The following EXOC6 variants were observed in gnomAD, a reference collection of about 807,000 sequenced individuals.
The protein encoded by EXOC6 is SEC15-like 1.
EXOC6 carries 60 observed loss-of-function variants against 112.5 expected under a neutral mutation model. The observed-to-expected ratio is 0.53, with a 90% CI of 0.43 to 0.66. EXOC6 has a LOEUF of 0.66. Ranked by LOEUF, EXOC6 falls within the 30% of genes least tolerant of loss-of-function variation. The pLI, the probability that EXOC6 is intolerant of heterozygous loss-of-function variation, is 0.00. For synonymous variants in EXOC6, 295 were observed against 308.0 expected, an observed-to-expected ratio of 0.96 and a Z score of 0.44; for missense variants, 855 against 957.1, an observed-to-expected ratio of 0.89 and a Z score of 1.41.
chr10:92,994,594 A>G (rs775452450), intron 18 of EXOC6, among the ~76,000 whole-genome samples: 1 of 152,178 alleles, frequency 6.6e-6, no homozygotes. Flanking sequence ...GGTGCTTGAA[A>G]TTTATTAAAT....
intron 5 of EXOC6, among the ~76,000 whole-genome samples, chr10:92,902,153 T>A (rs1384168143): frequency 6.6e-6 from 1 of 152,184 alleles, no homozygotes; most frequent in Non-Finnish European, 1.5e-5. Flanking sequence ...TAGAACATTC[T>A]CTTTGTCCTC....
chr10:92,868,934 C>G (rs1848313099), intron 1 of EXOC6, among the ~76,000 whole-genome samples: 1 of 151,598 alleles, frequency 6.6e-6, no homozygotes, highest in African/African-American at 2.4e-5. Context: ...CCCACCTCAG[C>G]CTTCCGAGTA....
chr10:93,020,862 C>G (rs558812251), intron 20 of EXOC6, among the ~76,000 whole-genome samples: 4 of 151,590 alleles, frequency 2.6e-5, no homozygotes, highest in Non-Finnish European at 5.9e-5. Context: ...TTCCCACCCC[C>G]GCCCACTGCC....
chr10:92,894,923 T>C lies in EXOC6; in HGVS notation c.322-7T>C, dbSNP rs1231299365. ...TTTAAAAATATGAACATTCCTTCTTTTCTAAGGTGATAGTCCACACAGAAG... is the reference window on the plus strand; with the variant it reads ...TTTAAAAATATGAACATTCCTTCTTCTCTAAGGTGATAGTCCACACAGAAG... On this transcript the variant is annotated splice_region_variant and splice_polypyrimidine_tract_variant and intron_variant, in intron 3 of 21. Coordinates refer to ENST00000260762, the MANE Select transcript of EXOC6 (RefSeq NM_019053.6). 1 of 1,608,476 alleles carries C rather than the reference T, an allele frequency of 6.2e-7. No homozygotes were observed. Among genetic ancestry groups the C allele is most frequent in the Non-Finnish European group, 8.5e-7 (1 of 1,175,200 alleles).
intron 17 of EXOC6, 124 bp from the exon 18 acceptor site, chr10:92,973,929 C>A: frequency 1.3e-6 from 1 of 793,714 alleles, no homozygotes; most frequent in Non-Finnish European, 1.9e-6. Context: ...AACAGTTTTC[C>A]TGGACTTTGA....
intron 1 of EXOC6, among the ~76,000 whole-genome samples, chr10:92,851,383 C>T (rs1184641725): frequency 3.9e-5 from 6 of 152,258 alleles, no homozygotes; most frequent in East Asian, 1.9e-4. Context: ...CGGTGGCTCA[C>T]GCCTGTAATC....
intron 18 of EXOC6, among the ~76,000 whole-genome samples, chr10:92,975,757 C>T (rs1260826093): frequency 5.3e-5 from 7 of 133,078 alleles, no homozygotes; most frequent in African/African-American, 8.4e-5. Context: ...GGCCAGCCCC[C>T]CGCCGGGCCA....
At chr10:92,854,817 G>T (rs573306023) in intron 1 of EXOC6, among the ~76,000 whole-genome samples, 129 of 151,690 alleles carry the variant, frequency 8.5e-4, no homozygotes, top group Non-Finnish European at 1.0e-3. Flanking sequence ...TCTGTTTTTT[G>T]TGTGTGTGTG....
rs1313401416 is a variant in EXOC6 at position 92,909,591 on chromosome 10, G to A, written c.623G>A (p.Arg208Gln). The change falls in exon 6 of 22, where the codon CGA becomes CAA. Residue 208 changes from arginine (R) to glutamine (Q), a missense_variant. This residue lies in a region of EXOC6 where 405 missense variants were observed against 393.6 expected (regional missense o/e 1.03). Coordinates refer to ENST00000260762, the MANE Select transcript of EXOC6 (RefSeq NM_019053.6). ...SDLKDFLESI[R>Q]KHSDKIGETA... ...CTCAAAGACTTTTTGGAAAGTATTC[G>A]AAAACATTCTGACAAAATAGGTGAA... 3.7e-6 allele frequency: 6 copies of A among 1,611,888 alleles called. No individual in the cohort carries two copies. The highest frequency in any genetic ancestry group is 1.7e-5 in the Admixed American group (1 of 59,844).
rs1236348508 is a variant in EXOC6 at position 92,935,117 on chromosome 10, A to G, written c.1140+687A>G. Among the ~76,000 whole-genome samples, 5 of 152,126 alleles carry G rather than the reference A, an allele frequency of 3.3e-5. No individual in the cohort carries two copies. The East Asian group carries it at 7.7e-4, about 23-fold the overall frequency. Reference sequence around the variant, plus strand: ...TTTTAAAAATTGAAGAAAGTTTGTTAGCTTATGTGATATTAAGATTATAAA... The same window carrying G: ...TTTTAAAAATTGAAGAAAGTTTGTTGGCTTATGTGATATTAAGATTATAAA... On this transcript the variant is annotated intron_variant, in intron 11 of 21. Transcript: ENST00000260762.
chr10:92,898,286 GC>G (rs1849938958), intron 4 of EXOC6, among the ~76,000 whole-genome samples: 1 of 150,088 alleles, frequency 6.7e-6, no homozygotes. Context: ...AAAAAAATTA[GC>G]CAGCTGTGGT....
chr10:92,834,672 T>C (rs1306250253), upstream of EXOC6: 1 of 1,215,676 alleles, frequency 8.2e-7, no homozygotes, highest in East Asian at 2.4e-5. Flanking sequence ...TTTTTTTTTA[T>C]AAATTACAAC....
Position 92,997,674 on chromosome 10 carries a change from G to A in EXOC6, c.2095+59G>A. 2.8e-6 allele frequency: 4 copies of A among 1,451,010 alleles called. No homozygotes were observed. In the Admixed American group the frequency reaches 6.3e-5, roughly 23 times the overall value. 89.9% of individuals were successfully genotyped at this position (1,451,010 alleles called of 1,614,324 possible). A position where few individuals can be genotyped will look rare whatever the true frequency, so the allele number is the denominator to read the frequency against. ...CTAGGAATCTATGCTTAAATTATAT[G>A]AAAAAATGTATTTAGCAGGATAGTT... is the stretch of plus-strand genomic sequence containing the variant. On this transcript the variant is annotated intron_variant, in intron 19 of 21. Transcript: ENST00000260762.
intron 18 of EXOC6, 24 bp from the exon 19 acceptor site, chr10:92,997,450 T>C: frequency 7.6e-6 from 12 of 1,588,320 alleles, no homozygotes; most frequent in Non-Finnish European, 1.0e-5. Context: ...TTTGTTTGAT[T>C]TTTGGTTTGA....
intron 20 of EXOC6, among the ~76,000 whole-genome samples, chr10:93,039,728 T>C (rs1030774944): frequency 1.3e-5 from 2 of 152,202 alleles, no homozygotes; most frequent in Non-Finnish European, 2.9e-5. Flanking sequence ...TCCAACTTTT[T>C]TCCTGTTTCA....
chr10:92,851,511 G>A (rs907991631), intron 1 of EXOC6, among the ~76,000 whole-genome samples: 2 of 152,060 alleles, frequency 1.3e-5, no homozygotes, highest in Non-Finnish European at 2.9e-5. Context: ...TTAGCTGGGT[G>A]TGGTAGCACA....
chr10:92,871,775 TC>T (rs1359965998), intron 1 of EXOC6, among the ~76,000 whole-genome samples: 1 of 152,042 alleles, frequency 6.6e-6, no homozygotes, highest in Non-Finnish European at 1.5e-5. Context: ...GCCACTGTAC[TC>T]CAGCCTGGGT....
intron 18 of EXOC6, among the ~76,000 whole-genome samples, chr10:92,984,506 C>G (rs1842932892): frequency 6.6e-6 from 1 of 151,890 alleles, no homozygotes; most frequent in Non-Finnish European, 1.5e-5. Context: ...TTCTTGGATC[C>G]CAGGCTTCTT....
At chr10:92,993,611 C>G (rs835234) in intron 18 of EXOC6, among the ~76,000 whole-genome samples, 1,625 of 152,152 alleles carry the variant, frequency 0.011, 33 homozygotes, top group African/African-American at 0.037. Flanking sequence ...ACATTACTTT[C>G]AAAACAAACC....
Sources: allele counts gnomAD v4.1 joint callset (sites outside exome capture counted in the v4.1 genomes callset), GRCh38; gene constraint gnomAD v4.1.1; regional missense constraint gnomAD v4.1.1; transcripts MANE v1.5; gene names NCBI Gene and HGNC (gene_info 2026-07-23, HGNC 2026-07-21).